Variants in DPF2 observed in about 807,000 individuals in gnomAD.
DPF2 encodes the protein double PHD fingers 2, also known as zinc finger protein ubi-d4.
Under a neutral mutation model 59.6 loss-of-function variants are expected in DPF2, and 10 were observed. The ratio of observed to expected loss-of-function variants is 0.17; its 90% CI spans 0.10 to 0.28. DPF2 has a LOEUF of 0.28. Among genes scored for constraint, DPF2 ranks in the 10% least tolerant of loss-of-function variants. DPF2 has a pLI of 1.00. For missense variants in DPF2, 315 were observed against 509.4 expected, an observed-to-expected ratio of 0.62 and a Z score of 3.67; for synonymous variants, 189 against 190.6, an observed-to-expected ratio of 0.99 and a Z score of 0.07.
chr11:65,335,944 G>T (rs906271697), intron 1 of DPF2, among the ~76,000 whole-genome samples: 2 of 151,972 alleles, frequency 1.3e-5, no homozygotes, highest in African/African-American at 4.8e-5. Flanking sequence ...CTCCCGGGTA[G>T]CTGAGATTAC....
intron 9 of DPF2, chr11:65,347,027 T>G (rs1854552430): frequency 6.6e-6 from 1 of 151,834 alleles, no homozygotes; most frequent in African/African-American, 2.4e-5. Context: ...TTTACTTTTT[T>G]TTTTTGAGAT....
At chr11:65,343,415 G>T in intron 4 of DPF2, 1 of 320,302 alleles carries the variant, frequency 3.1e-6, no homozygotes, top group Non-Finnish European at 5.8e-6. Flanking sequence ...GTGCTCCCAG[G>T]GTGGCCAATC....
chr11:65,349,564 G>C (rs1259902930), intron 10 of DPF2, among the ~76,000 whole-genome samples: 3 of 152,166 alleles, frequency 2.0e-5, no homozygotes, highest in African/African-American at 7.2e-5. Flanking sequence ...GGGAGGCCGA[G>C]GTGGGCGGAT....
chr11:65,343,210 G>T (rs916282919), intron 4 of DPF2, among the ~76,000 whole-genome samples: 83 of 148,340 alleles, frequency 5.6e-4, no homozygotes, highest in African/African-American at 1.9e-3. Flanking sequence ...GAGGCAGGAG[G>T]ATCGCTTGAA....
chr11:65,339,997 A>G (rs758840057), intron 1 of DPF2, among the ~76,000 whole-genome samples: 5 of 152,180 alleles, frequency 3.3e-5, no homozygotes, highest in Non-Finnish European at 5.9e-5. Context: ...GAAAGAGGGA[A>G]TAAGGAGGAA....
chr11:65,345,943 T>G lies in DPF2; in HGVS notation c.789T>G (p.Pro263=). Residue 263 remains proline, a synonymous_variant, in exon 8 of 11, where the codon CCT becomes CCG. Transcript: ENST00000528416. The part of the protein sequence containing the change: ...RSEEQKSKKG[P]DGLALPNNYC... ...TTCTCTCTGTAGCCAAAAAGGGTCC[T>G]GATGGATTGGCCTTGCCCAACAACT... 1 of 1,614,172 alleles carries G rather than the reference T, an allele frequency of 6.2e-7. No individual in the cohort carries two copies. Among genetic ancestry groups the G allele is most frequent in the Non-Finnish European group, 8.5e-7 (1 of 1,180,026 alleles).
intron 1 of DPF2, among the ~76,000 whole-genome samples, chr11:65,337,556 A>C (rs938202243): frequency 8.2e-6 from 1 of 122,394 alleles, no homozygotes; most frequent in Non-Finnish European, 1.7e-5. Flanking sequence ...GAACAATGTT[A>C]ATGTTAACTT....
chr11:65,337,500 TATATAGAGAG>T lies in DPF2; in HGVS notation c.33-2883_33-2874del, dbSNP rs1437165556. On this transcript the variant is annotated intron_variant, in intron 1 of 10. Transcript: ENST00000528416. ...ATATATATATATATATATATATATATATATAGAGAGAGAGAGAGAGAGAGAGAGAGAGAGA... is the reference window on the plus strand; with the variant it reads ...ATATATATATATATATATATATATATAGAGAGAGAGAGAGAGAGAGAGAGA... Among the ~76,000 whole-genome samples the T allele has an allele frequency of 5.4e-3, 217 of 40,244 alleles. 3 individuals carry two copies. Among genetic ancestry groups the T allele is most frequent in the South Asian group, 8.5e-3 (7 of 822 alleles). 26.4% of individuals were successfully genotyped at this position (40,244 alleles called of 152,430 possible).
intron 9 of DPF2, chr11:65,347,897 C>G (rs997414467): frequency 6.6e-6 from 1 of 152,214 alleles, no homozygotes; most frequent in Non-Finnish European, 1.5e-5. Context: ...ATCCACCTGC[C>G]TCAGCCTCCC....
intron 4 of DPF2, among the ~76,000 whole-genome samples, chr11:65,342,778 C>T (rs1219673785): frequency 1.3e-5 from 2 of 151,752 alleles, no homozygotes; most frequent in Non-Finnish European, 2.9e-5. Flanking sequence ...TTTGGGAGGC[C>T]GAGGCAGGCG....
intron 6 of DPF2, 130 bp from the exon 7 acceptor site, chr11:65,345,536 C>T (rs2137702806): frequency 7.4e-7 from 1 of 1,347,712 alleles, no homozygotes; most frequent in Non-Finnish European, 1.0e-6. Flanking sequence ...CAAGGCCTGT[C>T]CCAGAGTGGA....
intron 1 of DPF2, among the ~76,000 whole-genome samples, chr11:65,334,990 A>G (rs1237472769): frequency 6.6e-6 from 1 of 151,870 alleles, no homozygotes; most frequent in Non-Finnish European, 1.5e-5. Context: ...TTAAAGAGTA[A>G]GTTGCTTCTC....
Position 65,345,999 on chromosome 11 carries a change from T to C in DPF2, c.845T>C (p.Ile282Thr), listed in dbSNP as rs1289730779. 8 of 1,614,080 alleles carry C rather than the reference T, an allele frequency of 5.0e-6. No homozygotes were observed. The highest frequency in any genetic ancestry group is 5.9e-6 in the Non-Finnish European group (7 of 1,180,046). The change falls in exon 8 of 11, where the codon ATT becomes ACT. Residue 282 changes from isoleucine (I) to threonine (T), a missense_variant. Physicochemically the swap from Ile to Thr is moderately conservative, Grantham distance 89. This residue lies in a region of DPF2 where 58 missense variants were observed against 84.6 expected (regional missense o/e 0.69). Transcript: ENST00000528416. ...GACTTCTGCCTGGGGGACTCAAAGA[T>C]TAACAAGAAGACGGGACAACCCGAG... is the stretch of plus-strand genomic sequence containing the variant. ...YCDFCLGDSK[I>T]NKKTGQPEEL...
At chr11:65,342,510 A>C (rs1412798436) in intron 4 of DPF2, among the ~76,000 whole-genome samples, 1 of 152,212 alleles carries the variant, frequency 6.6e-6, no homozygotes, top group Non-Finnish European at 1.5e-5. Flanking sequence ...AGTTTGTGTC[A>C]CAGTTTTTTG....
At chr11:65,347,378 GGA>G (rs1166467139) in intron 9 of DPF2, 1 of 152,048 alleles carries the variant, frequency 6.6e-6, no homozygotes, top group Non-Finnish European at 1.5e-5. Context: ...CATCCAGGCT[GGA>G]GTGCAGTGAC....
At position 65,352,157 on chromosome 11, in the gene DPF2, A is replaced by AGAGGC. The variant is rs1218392348; in HGVS notation, c.*399_*403dup. 1.4e-5 allele frequency: 3 copies of AGAGGC among 212,878 alleles called. No individual in the cohort carries two copies. The allele number at this position is 212,878 out of a possible 1,614,324, so 13.2% of individuals were successfully genotyped here. A position where few individuals can be genotyped will look rare whatever the true frequency, so the allele number is the denominator to read the frequency against. On this transcript the variant is annotated 3_prime_UTR_variant, in exon 11 of 11. Transcript: ENST00000528416. ...GGTCTCCAGAGTTTTCCTGTCCTCT[A>AGAGGC]GAGGCAAGCCAGGCCAGGGAGCTGG...
rs1369151638 is a variant in DPF2, at chr11:65,353,564, A to G, written c.*1805A>G. Among the ~76,000 whole-genome samples, 1 of 152,074 alleles carries G rather than the reference A, an allele frequency of 6.6e-6. No individual in the cohort carries two copies. Among genetic ancestry groups the G allele is most frequent in the Non-Finnish European group, 1.5e-5 (1 of 68,024 alleles). ...CCTTTCCCAGGGCACGTTGATGTGC[A>G]CACAGTTTCCCTGAAGGCAAAGTGA... On this transcript the variant is annotated 3_prime_UTR_variant, in exon 11 of 11. Coordinates refer to ENST00000528416, the MANE Select transcript of DPF2 (RefSeq NM_006268.5).
intron 9 of DPF2, chr11:65,348,544 G>A: frequency 1.0e-5 from 3 of 287,482 alleles, no homozygotes; most frequent in Admixed American, 5.0e-5. Context: ...TTGCACCACT[G>A]CACTCCAGCC....
intron 4 of DPF2, among the ~76,000 whole-genome samples, chr11:65,342,915 A>T (rs1029719657): frequency 2.4e-4 from 35 of 148,840 alleles, no homozygotes; most frequent in Non-Finnish European, 4.3e-4. Context: ...TCAGGCGCAA[A>T]CCCGGGAGGC....
Sources: allele counts gnomAD v4.1 joint callset (sites outside exome capture counted in the v4.1 genomes callset), GRCh38; gene constraint gnomAD v4.1.1; regional missense constraint gnomAD v4.1.1; transcripts MANE v1.5; gene names NCBI Gene and HGNC (gene_info 2026-07-23, HGNC 2026-07-21).